SUGCT: variants seen among roughly 807,000 people sequenced by gnomAD.
SUGCT encodes succinyl-CoA:glutarate CoA-transferase.
Under a neutral mutation model 55.0 loss-of-function variants are expected in SUGCT, and 41 were observed. The ratio of observed to expected loss-of-function variants is 0.74; its 90% confidence interval spans 0.58 to 0.97. SUGCT has a LOEUF of 0.97. Among genes scored for constraint, SUGCT ranks in the 50% least tolerant of loss-of-function variants. SUGCT has a pLI of 0.00. For missense variants in SUGCT, 568 were observed against 547.8 expected (o/e 1.04, Z -0.37); for synonymous variants, 187 against 200.4 (o/e 0.93, Z 0.56).
At chr7:40,182,802 C>A (rs575308744) in intron 3 of SUGCT, among the ~76,000 whole-genome samples, 1 of 152,254 alleles carries the variant, frequency 6.6e-6, no homozygotes, top group East Asian at 1.9e-4. Context: ...AGACCCTCAG[C>A]CATGATTCTG....
At chr7:40,388,137 C>T (rs924961832) in intron 9 of SUGCT, 3 of 152,188 alleles carry the variant, frequency 2.0e-5, no homozygotes, top group African/African-American at 7.2e-5. Context: ...TAAACATTAC[C>T]ACAATGTTAA....
At chr7:40,419,435 T>C (rs1238729170) in intron 9 of SUGCT, among the ~76,000 whole-genome samples, 6 of 152,232 alleles carry the variant, frequency 3.9e-5, no homozygotes, top group Admixed American at 3.9e-4. Context: ...TGGCTTGAAT[T>C]GGAAGGAAAT....
the SUGCT span, among the ~76,000 whole-genome samples, chr7:41,023,507 C>T: frequency 1.3e-5 from 2 of 151,862 alleles, no homozygotes; most frequent in Non-Finnish European, 2.9e-5. Flanking sequence ...CATAAGAATA[C>T]AAGGAACAAT....
chr7:40,323,541 C>A (rs1269425254), intron 9 of SUGCT, among the ~76,000 whole-genome samples: 2 of 152,132 alleles, frequency 1.3e-5, no homozygotes, highest in Non-Finnish European at 2.9e-5. Context: ...CACAGGCACA[C>A]ACCACCATGC....
chr7:40,326,736 T>C (rs1796045205), intron 9 of SUGCT, among the ~76,000 whole-genome samples: 1 of 152,170 alleles, frequency 6.6e-6, no homozygotes, highest in South Asian at 2.1e-4. Flanking sequence ...ATGGTTTAAT[T>C]AATTGAGATT....
chr7:40,383,154 A>C (rs1784954037), intron 9 of SUGCT, among the ~76,000 whole-genome samples: 1 of 152,174 alleles, frequency 6.6e-6, no homozygotes, highest in Non-Finnish European at 1.5e-5. Flanking sequence ...CTGAAGATAG[A>C]CTAAGAGTTA....
At chr7:40,235,656 G>C (rs956121618) in intron 6 of SUGCT, among the ~76,000 whole-genome samples, 1 of 152,102 alleles carries the variant, frequency 6.6e-6, no homozygotes, top group African/African-American at 2.4e-5. Context: ...AAATATTTTT[G>C]CACTCATTCA....
chr7:40,585,740 T>C (rs960416462), intron 12 of SUGCT, among the ~76,000 whole-genome samples: 3 of 152,130 alleles, frequency 2.0e-5, no homozygotes, highest in African/African-American at 7.2e-5. Context: ...AGTGTATTGG[T>C]GTGATTATAT....
At chr7:40,385,866 A>G (rs1785096373) in intron 9 of SUGCT, among the ~76,000 whole-genome samples, 1 of 152,238 alleles carries the variant, frequency 6.6e-6, no homozygotes, top group Non-Finnish European at 1.5e-5. Context: ...GTCACTTTAT[A>G]TAGCATTGCA....
At chr7:40,179,418 C>T (rs934607174) in intron 1 of SUGCT, among the ~76,000 whole-genome samples, 5 of 151,896 alleles carry the variant, frequency 3.3e-5, no homozygotes, top group African/African-American at 4.8e-5. Context: ...CTCAGCCTCC[C>T]GAGTAGCTGG....
At chr7:40,835,747 G>T (rs1792932308) in intron 13 of SUGCT, among the ~76,000 whole-genome samples, 1 of 152,104 alleles carries the variant, frequency 6.6e-6, no homozygotes. Flanking sequence ...TAAGCTTCAT[G>T]AACCCATTAT....
At chr7:40,917,039 C>T in the SUGCT span, among the ~76,000 whole-genome samples, 17 of 152,160 alleles carry the variant, frequency 1.1e-4, no homozygotes, top group African/African-American at 4.1e-4. Context: ...ACAAAGTAGC[C>T]TGGGAATGTC....
chr7:40,213,313 A>G (rs1787449887), intron 6 of SUGCT, among the ~76,000 whole-genome samples: 1 of 151,994 alleles, frequency 6.6e-6, no homozygotes, highest in African/African-American at 2.4e-5. Context: ...TGTTTTTTTG[A>G]CCTTGACAGT....
intron 6 of SUGCT, among the ~76,000 whole-genome samples, chr7:40,229,085 C>T (rs1437608041): frequency 6.6e-6 from 1 of 152,140 alleles, no homozygotes; most frequent in African/African-American, 2.4e-5. Flanking sequence ...CTGGAATCAG[C>T]CATTTCTTCA....
chr7:40,390,591 C>A (rs28768173), intron 9 of SUGCT, among the ~76,000 whole-genome samples: 22,161 of 152,078 alleles, frequency 0.15, 2,114 homozygotes, highest in Middle Eastern at 0.22. Context: ...ATGTGAAGGA[C>A]CTCTTCAAGG....
chr7:40,679,121 C>T (rs1784130405), intron 12 of SUGCT, among the ~76,000 whole-genome samples: 1 of 152,190 alleles, frequency 6.6e-6, no homozygotes, highest in African/African-American at 2.4e-5. Flanking sequence ...TCTTATGCCT[C>T]ATTCTCTTTT....
intron 1 of SUGCT, among the ~76,000 whole-genome samples, chr7:40,150,731 T>A (rs534228145): frequency 6.6e-6 from 1 of 151,946 alleles, no homozygotes; most frequent in African/African-American, 2.4e-5. Flanking sequence ...GGGAGACTGA[T>A]TTGAGTAATA....
intron 13 of SUGCT, among the ~76,000 whole-genome samples, chr7:40,812,471 AT>A (rs1791473118): frequency 6.6e-6 from 1 of 151,976 alleles, no homozygotes; most frequent in East Asian, 1.9e-4. Context: ...GTTTCCAGAA[AT>A]TTATTCATTT....
chr7:40,649,062 C>G (rs1800654850), intron 12 of SUGCT, among the ~76,000 whole-genome samples: 1 of 152,018 alleles, frequency 6.6e-6, no homozygotes, highest in Admixed American at 6.6e-5. Context: ...TGGTCTAAAA[C>G]TTCTTTCACT....
Sources: gnomAD v4.1 joint callset for allele counts (sites outside exome capture counted in the v4.1 genomes callset) on GRCh38, gnomAD v4.1.1 for gene constraint, MANE v1.5 for transcripts, NCBI Gene and HGNC (gene_info 2026-07-23, HGNC 2026-07-21) for gene names.